Variants in RORA observed in about 807,000 individuals in gnomAD.
RORA encodes RAR related orphan receptor A.
RORA carries 7 observed loss-of-function variants against 69.5 expected under a neutral mutation model. The ratio of observed to expected loss-of-function variants is 0.10; its 90% CI spans 0.06 to 0.19. The LOEUF (loss-of-function observed/expected upper bound fraction) is 0.19, where lower values mean the gene tolerates loss of function less well. Among genes scored for constraint, RORA ranks in the 10% least tolerant of loss-of-function variants. RORA has a pLI of 1.00. For missense variants in RORA, 457 were observed against 663.0 expected (o/e 0.69, Z 3.41); for synonymous variants, 261 against 240.8 (o/e 1.08, Z -0.78).
chr15:60,750,483 T>C (rs1443012579), intron 1 of RORA, among the ~76,000 whole-genome samples: 1 of 152,234 alleles, frequency 6.6e-6, no homozygotes. Context: ...TTTGCAAGCA[T>C]ATTTTTGTCC....
At chr15:61,166,257 T>C (rs1403149122) in intron 1 of RORA, among the ~76,000 whole-genome samples, 1 of 152,166 alleles carries the variant, frequency 6.6e-6, no homozygotes, top group African/African-American at 2.4e-5. Flanking sequence ...GTATTCACGA[T>C]CTATTAAACT....
chr15:61,007,764 A>T (rs1894956388), intron 1 of RORA, among the ~76,000 whole-genome samples: 2 of 148,284 alleles, frequency 1.3e-5, no homozygotes, highest in Non-Finnish European at 3.0e-5. Flanking sequence ...TATATATTAT[A>T]TATAACATTA....
intron 1 of RORA, among the ~76,000 whole-genome samples, chr15:61,113,826 C>G (rs2079028206): frequency 6.6e-6 from 1 of 152,162 alleles, no homozygotes; most frequent in South Asian, 2.1e-4. Flanking sequence ...TGTCAAGTGC[C>G]ATAAAATCAA....
At chr15:61,015,541 AATTAT>A (rs1895250366) in intron 1 of RORA, among the ~76,000 whole-genome samples, 1 of 152,174 alleles carries the variant, frequency 6.6e-6, no homozygotes, top group African/African-American at 2.4e-5. Flanking sequence ...ATAACACAAT[AATTAT>A]ACTAGTTCAT....
chr15:61,195,501 C>T (rs1238768284), intron 1 of RORA, among the ~76,000 whole-genome samples: 1 of 152,048 alleles, frequency 6.6e-6, no homozygotes, highest in Non-Finnish European at 1.5e-5. Context: ...ATGTATTACA[C>T]ACAAACCATG....
chr15:60,502,608 A>G (rs1869486), intron 8 of RORA, 152 bp downstream of exon 8: 512,517 of 638,020 alleles, frequency 0.8, 208,523 homozygotes, highest in East Asian at 0.96. Context: ...TGACTTTTCT[A>G]CAGTGACTAA....
rs1298013131 is a variant in RORA at position 60,496,226 on chromosome 15, C to A, written c.*1229G>T. The stretch of plus-strand genomic sequence containing the variant: ...ATTATACCAAGAACATAAACATTCA[C>A]AAAGTAAATACTTCATGTCCTCACA... On this transcript the variant is annotated 3_prime_UTR_variant, in exon 11 of 11. Coordinates refer to ENST00000335670, the MANE Select transcript of RORA (RefSeq NM_134261.3). The surrounding 1 kb of genome is among the most constrained non-coding windows in gnomAD (Gnocchi z 4.5). The A allele has an allele frequency of 6.6e-6, 1 of 152,086 alleles. No individual in the cohort carries two copies. The highest frequency in any genetic ancestry group is 6.6e-5 in the Admixed American group (1 of 15,262). The allele number at this position is 152,086 out of a possible 1,614,324, so 9.4% of individuals were successfully genotyped here. A position where few individuals can be genotyped will look rare whatever the true frequency, so the allele number is the denominator to read the frequency against.
At chr15:60,879,019 T>C (rs1286553263) in intron 1 of RORA, among the ~76,000 whole-genome samples, 1 of 152,232 alleles carries the variant, frequency 6.6e-6, no homozygotes, top group Non-Finnish European at 1.5e-5. Flanking sequence ...CTCCATGACC[T>C]TTCTACTTCT....
At chr15:61,187,589 A>T (rs1247622655) in intron 1 of RORA, among the ~76,000 whole-genome samples, 1 of 152,246 alleles carries the variant, frequency 6.6e-6, no homozygotes, top group Non-Finnish European at 1.5e-5. Context: ...CACAGGGAAC[A>T]GCGCAGGGCT....
At chr15:60,725,133 A>G (rs2071340776) in intron 1 of RORA, among the ~76,000 whole-genome samples, 1 of 152,258 alleles carries the variant, frequency 6.6e-6, no homozygotes, top group African/African-American at 2.4e-5. Flanking sequence ...TACCATATTC[A>G]GAAGTGCCAC....
At chr15:60,996,867 G>A (rs4992187) in intron 1 of RORA, among the ~76,000 whole-genome samples, 34,336 of 151,288 alleles carry the variant, frequency 0.23, 4,296 homozygotes, top group East Asian at 0.39. Context: ...TGGAGATCAC[G>A]CCACTGCACT....
chr15:61,147,454 G>A lies in RORA; in HGVS notation c.166+81599C>T, dbSNP rs2140870387. 6.6e-6 allele frequency among the ~76,000 whole-genome samples: 1 copy of A among 152,318 alleles called. No homozygotes were observed. The highest frequency in any genetic ancestry group is 1.9e-4 in the East Asian group (1 of 5,178). ...CCAACAGGTGCAATAGGACTCTGAA[G>A]AAGGAATATGAGAGCTTCCAGCCCT... On this transcript the variant is annotated intron_variant, in intron 1 of 10. Coordinates refer to ENST00000335670, the MANE Select transcript of RORA (RefSeq NM_134261.3). This position sits in a 1 kb window ranked among gnomAD's most constrained non-coding sequence, Gnocchi z 4.1.
chr15:61,096,771 A>G (rs1445660869), intron 1 of RORA, among the ~76,000 whole-genome samples: 4 of 152,174 alleles, frequency 2.6e-5, no homozygotes, highest in Non-Finnish European at 5.9e-5. Context: ...TCCCATCCCA[A>G]AAGGACATCT....
intron 1 of RORA, among the ~76,000 whole-genome samples, chr15:60,846,786 T>C (rs2073270892): frequency 6.6e-6 from 1 of 152,258 alleles, no homozygotes; most frequent in Admixed American, 6.5e-5. Flanking sequence ...TGGTTCTAAA[T>C]AGGATATTCT....
rs139038654 is a variant in RORA at position 60,672,695 on chromosome 15, T to C, written c.196+5962A>G. Among the ~76,000 whole-genome samples the C allele has an allele frequency of 3.9e-5, 6 of 152,328 alleles. No homozygotes were observed. In the East Asian group the frequency reaches 5.8e-4, roughly 15 times the overall value. On this transcript the variant is annotated intron_variant, in intron 2 of 10. Coordinates refer to ENST00000335670, the MANE Select transcript of RORA (RefSeq NM_134261.3). ...CTTGTCTCTCATGTACATTTTCTTA[T>C]TTAAAATGCGGGTGCAAGCAGTACA...
At chr15:61,163,861 T>C (rs752235964) in intron 1 of RORA, among the ~76,000 whole-genome samples, 1 of 152,210 alleles carries the variant, frequency 6.6e-6, no homozygotes, top group Non-Finnish European at 1.5e-5. Flanking sequence ...AAAAAGATTG[T>C]TGCCTGCATG....
intron 2 of RORA, among the ~76,000 whole-genome samples, chr15:60,538,683 T>A (rs1009002379): frequency 2.6e-5 from 4 of 152,194 alleles, no homozygotes; most frequent in African/African-American, 9.7e-5. Context: ...AGGTCGCCTC[T>A]CTATGCAAAG....
At position 61,178,179 on chromosome 15, in the gene RORA, G is replaced by A. The variant is rs564613213; in HGVS notation, c.166+50874C>T. Among the ~76,000 whole-genome samples, 5 of 152,190 alleles carry A rather than the reference G, an allele frequency of 3.3e-5. No homozygotes were observed. The South Asian group carries it at 1.0e-3, about 32-fold the overall frequency. ...TAATGTATGTTTTTCAAAATCCTTT[G>A]ATTCTAAATCCATTCAACTATAAAT... On this transcript the variant is annotated intron_variant, in intron 1 of 10. Transcript: ENST00000335670.
chr15:60,540,574 C>CCG lies in RORA; in HGVS notation c.197-8724_197-8723insCG, dbSNP rs72120718. On this transcript the variant is annotated intron_variant, in intron 2 of 10. Transcript: ENST00000335670. ...TGCACAATTTCCATGACCCCCCCCC[C>CCG]CCAAAACTGTGCGGTCACAAAACCC... 1.2e-3 allele frequency among the ~76,000 whole-genome samples: 128 copies of CCG among 102,652 alleles called. 13 individuals carry two copies. Among genetic ancestry groups the CCG allele is most frequent in the African/African-American group, 5.0e-3 (111 of 22,410 alleles). The allele number at this position is 102,652 out of a possible 152,430, so 67.3% of individuals were successfully genotyped here.
Sources: gnomAD v4.1 joint callset for allele counts (sites outside exome capture counted in the v4.1 genomes callset) on GRCh38, gnomAD v4.1.1 for gene constraint, Gnocchi (gnomAD v3.1) non-coding constraint, MANE v1.5 for transcripts, NCBI Gene and HGNC (gene_info 2026-07-23, HGNC 2026-07-21) for gene names.